ZNF385D: variants seen among roughly 807,000 people sequenced by gnomAD.
ZNF385D encodes the protein zinc finger protein 385D, also known as zinc finger protein 659.
In ZNF385D, 15 loss-of-function variants were observed where a neutral mutation model predicts 35.8. The observed-to-expected ratio is 0.42, with a 90% CI of 0.28 to 0.64. ZNF385D has a LOEUF of 0.64. Ranked by LOEUF, ZNF385D falls within the 30% of genes least tolerant of loss-of-function variation. ZNF385D has a pLI of 0.23. For missense variants in ZNF385D, 474 were observed against 494.6 expected, an observed-to-expected ratio of 0.96 and a Z score of 0.39; for synonymous variants, 212 against 186.8, an observed-to-expected ratio of 1.13 and a Z score of -1.10.
At chr3:21,613,304 T>C (rs2064743279) in intron 2 of ZNF385D, among the ~76,000 whole-genome samples, 1 of 149,494 alleles carries the variant, frequency 6.7e-6, no homozygotes, top group Non-Finnish European at 1.5e-5. Context: ...CCAAGACCAC[T>C]CAAAATGAGA....
intron 1 of ZNF385D, among the ~76,000 whole-genome samples, chr3:21,679,562 G>T (rs1294588053): frequency 6.6e-6 from 1 of 151,832 alleles, no homozygotes; most frequent in Non-Finnish European, 1.5e-5. Flanking sequence ...AGCTAATCCA[G>T]AGAGAAGAAA....
chr3:22,237,168 A>C (rs1285685129), intron 2 of ZNF385D, among the ~76,000 whole-genome samples: 1 of 146,562 alleles, frequency 6.8e-6, no homozygotes, highest in Middle Eastern at 3.2e-3. Flanking sequence ...CAACCACTCC[A>C]CGTCTTTGCC....
At chr3:22,243,282 C>A (rs1410087211) in intron 2 of ZNF385D, among the ~76,000 whole-genome samples, 7 of 150,852 alleles carry the variant, frequency 4.6e-5, no homozygotes. Context: ...ATGTTCAAAT[C>A]CTTGGCCATT....
intron 3 of ZNF385D, among the ~76,000 whole-genome samples, chr3:22,064,554 T>C (rs527750231): frequency 6.6e-6 from 1 of 152,188 alleles, no homozygotes; most frequent in Non-Finnish European, 1.5e-5. Flanking sequence ...TGTCATCAGA[T>C]GAACAGATAA....
chr3:21,425,376 A>G (rs1158741661), intron 6 of ZNF385D, 116 bp downstream of exon 6: 4 of 1,074,384 alleles, frequency 3.7e-6, no homozygotes, highest in Non-Finnish European at 5.1e-6. Context: ...GGAGGGATGG[A>G]TGAATAGATG....
intron 3 of ZNF385D, among the ~76,000 whole-genome samples, chr3:22,016,630 G>C (rs1295105714): frequency 6.6e-6 from 1 of 151,980 alleles, no homozygotes; most frequent in Non-Finnish European, 1.5e-5. Flanking sequence ...TAGAACAAAA[G>C]TTTGTGTTTC....
intron 3 of ZNF385D, among the ~76,000 whole-genome samples, chr3:21,889,806 G>A (rs1296307028): frequency 6.6e-6 from 1 of 152,118 alleles, no homozygotes; most frequent in Non-Finnish European, 1.5e-5. Context: ...GAGACCAGAA[G>A]TTTGTGATCA....
intron 2 of ZNF385D, among the ~76,000 whole-genome samples, chr3:22,208,275 T>C (rs1697287460): frequency 6.6e-6 from 1 of 151,908 alleles, no homozygotes; most frequent in South Asian, 2.1e-4. Flanking sequence ...TATGAGATCC[T>C]GTCATTTGCA....
intron 1 of ZNF385D, among the ~76,000 whole-genome samples, chr3:21,735,003 C>T (rs1030546848): frequency 9.9e-5 from 15 of 152,108 alleles, no homozygotes; most frequent in African/African-American, 3.6e-4. Flanking sequence ...CAACAAGTTC[C>T]ACCCTTTTAT....
At chr3:22,252,890 T>C (rs946502566) in intron 2 of ZNF385D, among the ~76,000 whole-genome samples, 1 of 152,092 alleles carries the variant, frequency 6.6e-6, no homozygotes, top group African/African-American at 2.4e-5. Context: ...TGTAAAAATG[T>C]TCCTTACTCC....
intron 2 of ZNF385D, among the ~76,000 whole-genome samples, chr3:22,354,622 T>G (rs947494037): frequency 3.9e-5 from 6 of 152,082 alleles, no homozygotes; most frequent in African/African-American, 1.4e-4. Flanking sequence ...TACCATGGTT[T>G]TAATGGTATA....
chr3:21,980,699 T>C (rs867188836), intron 3 of ZNF385D, among the ~76,000 whole-genome samples: 1 of 152,298 alleles, frequency 6.6e-6, no homozygotes, highest in Middle Eastern at 3.4e-3. Flanking sequence ...TTATCTTTGC[T>C]GTTCCTATCC....
At chr3:21,897,757 T>G (rs1575862810) in intron 3 of ZNF385D, among the ~76,000 whole-genome samples, 2 of 152,220 alleles carry the variant, frequency 1.3e-5, no homozygotes, top group East Asian at 3.9e-4. Flanking sequence ...CAAACAGAAA[T>G]TTTTGATTTA....
At chr3:21,443,838 A>G (rs917039298) in intron 4 of ZNF385D, among the ~76,000 whole-genome samples, 1 of 152,124 alleles carries the variant, frequency 6.6e-6, no homozygotes, top group African/African-American at 2.4e-5. Context: ...TAGAAAGGAG[A>G]TTTTAAAATT....
At chr3:22,223,066 T>C (rs1435036305) in intron 2 of ZNF385D, among the ~76,000 whole-genome samples, 1 of 152,132 alleles carries the variant, frequency 6.6e-6, no homozygotes, top group Non-Finnish European at 1.5e-5. Context: ...GTTTAATCTA[T>C]ACTTTCTTGG....
intron 3 of ZNF385D, among the ~76,000 whole-genome samples, chr3:21,799,779 TTTC>T (rs1234460308): frequency 2.6e-5 from 4 of 152,162 alleles, no homozygotes; most frequent in Non-Finnish European, 4.4e-5. Context: ...TTATATATTT[TTTC>T]TTGTTACTTT....
At chr3:21,854,033 A>T (rs1696566517) in intron 3 of ZNF385D, among the ~76,000 whole-genome samples, 1 of 151,956 alleles carries the variant, frequency 6.6e-6, no homozygotes, top group South Asian at 2.1e-4. Flanking sequence ...ATACAAATAT[A>T]AAAAGTAATT....
At chr3:21,619,092 C>G (rs1386184838) in intron 2 of ZNF385D, among the ~76,000 whole-genome samples, 1 of 152,094 alleles carries the variant, frequency 6.6e-6, no homozygotes, top group Non-Finnish European at 1.5e-5. Context: ...TACAGCAAAC[C>G]ATGTAGCTAG....
At chr3:22,280,878 C>G (rs993598807) in intron 2 of ZNF385D, among the ~76,000 whole-genome samples, 1 of 151,144 alleles carries the variant, frequency 6.6e-6, no homozygotes, top group Non-Finnish European at 1.5e-5. Flanking sequence ...TCACGTATTT[C>G]CATTTGTTTG....
Sources: allele counts gnomAD v4.1 joint callset (sites outside exome capture counted in the v4.1 genomes callset), GRCh38; gene constraint gnomAD v4.1.1; transcripts MANE v1.5; gene names NCBI Gene and HGNC (gene_info 2026-07-23, HGNC 2026-07-21).